Variants in PCMT1 observed in about 807,000 individuals in gnomAD.
PCMT1 encodes the protein protein-L-isoaspartate(D-aspartate) O-methyltransferase.
PCMT1 carries 9 observed loss-of-function variants against 29.2 expected under a neutral mutation model. That is an observed-to-expected ratio of 0.31 (90% CI 0.19 to 0.54). PCMT1 has a LOEUF of 0.54. Ranked by LOEUF, PCMT1 falls within the 20% of genes least tolerant of loss-of-function variation. The pLI is 0.95. For missense variants in PCMT1, 184 were observed against 282.2 expected, an observed-to-expected ratio of 0.65 and a Z score of 2.49; for synonymous variants, 98 against 97.5, an observed-to-expected ratio of 1.00 and a Z score of -0.03.
chr6:149,787,837 G>C (rs746906823), intron 3 of PCMT1, among the ~76,000 whole-genome samples: 5 of 151,826 alleles, frequency 3.3e-5, no homozygotes, highest in Non-Finnish European at 5.9e-5. Context: ...GTGTGTGTGT[G>C]TGTGTGTATG....
intron 1 of PCMT1, among the ~76,000 whole-genome samples, chr6:149,763,294 A>C (rs1218395749): frequency 2.1e-5 from 3 of 146,074 alleles, no homozygotes; most frequent in Non-Finnish European, 4.5e-5. Context: ...TATCTATGAT[A>C]TATATATCTA....
chr6:149,787,553 G>A (rs1788173167), intron 3 of PCMT1, among the ~76,000 whole-genome samples: 1 of 151,960 alleles, frequency 6.6e-6, no homozygotes, highest in African/African-American at 2.4e-5. Flanking sequence ...AGCAGAGACA[G>A]GGTTTCATCA....
At chr6:149,798,442 T>A (rs1367565797) in intron 6 of PCMT1, among the ~76,000 whole-genome samples, 11 of 152,220 alleles carry the variant, frequency 7.2e-5, no homozygotes, top group Admixed American at 7.2e-4. Flanking sequence ...TTTCTAGATT[T>A]AATTAAATTG....
rs772910475 is a variant in PCMT1, at chr6:149,790,016, A to G, written c.255A>G (p.Val85=). The G allele has an allele frequency of 2.2e-5, 36 of 1,612,310 alleles. No individual in the cohort carries two copies. Among genetic ancestry groups the G allele is most frequent in the Non-Finnish European group, 1.0e-5 (12 of 1,179,190 alleles). The change falls in exon 4 of 8, where the codon GTA becomes GTG. Residue 85 remains valine (V), a synonymous_variant. Coordinates refer to ENST00000464889, the MANE Select transcript of PCMT1 (RefSeq NM_001360452.2). ...QLHEGAKALD[V]GSGSGILTAC... ...ATGAAGGAGCTAAAGCTCTTGATGT[A>G]GGATCTGGAAGTGGAATCCTTACTG...
At chr6:149,783,979 G>A (rs1787920865) in intron 3 of PCMT1, among the ~76,000 whole-genome samples, 1 of 152,220 alleles carries the variant, frequency 6.6e-6, no homozygotes, top group South Asian at 2.1e-4. Flanking sequence ...ATAGGTATAA[G>A]TCACCATGCC....
At chr6:149,798,488 A>AG (rs2115331416) in intron 6 of PCMT1, among the ~76,000 whole-genome samples, 1 of 152,312 alleles carries the variant, frequency 6.6e-6, no homozygotes, top group East Asian at 1.9e-4. Context: ...CAAGTATTAT[A>AG]GGGGTATGTA....
At chr6:149,800,595 T>A (rs1751362015) in intron 6 of PCMT1, among the ~76,000 whole-genome samples, 1 of 152,156 alleles carries the variant, frequency 6.6e-6, no homozygotes, top group African/African-American at 2.4e-5. Context: ...ATTTAAAAGT[T>A]TTCTGACTGT....
chr6:149,769,797 G>A (rs1469998927), intron 1 of PCMT1, among the ~76,000 whole-genome samples: 2 of 29,462 alleles, frequency 6.8e-5, no homozygotes, highest in African/African-American at 1.2e-4. Context: ...TTTTTTTTTT[G>A]TGGAGACAGG....
At chr6:149,767,167 A>G (rs1245429809) in intron 1 of PCMT1, among the ~76,000 whole-genome samples, 1 of 152,100 alleles carries the variant, frequency 6.6e-6, no homozygotes, top group African/African-American at 2.4e-5. Flanking sequence ...AGATCACGCC[A>G]CTGCACTCCA....
At chr6:149,756,512 C>CCT (rs1786510899) in intron 1 of PCMT1, among the ~76,000 whole-genome samples, 1 of 74,720 alleles carries the variant, frequency 1.3e-5, no homozygotes. Context: ...CCATGACTGG[C>CCT]TTTTTTTTTT....
At chr6:149,782,556 C>T (rs1320390335) in intron 3 of PCMT1, among the ~76,000 whole-genome samples, 3 of 152,102 alleles carry the variant, frequency 2.0e-5, no homozygotes, top group African/African-American at 7.2e-5. Context: ...TCAAGTGCTC[C>T]TTGGAGTAGT....
intron 3 of PCMT1, among the ~76,000 whole-genome samples, chr6:149,789,066 A>ATTTTTT (rs56661461): frequency 6.6e-4 from 60 of 90,488 alleles, no homozygotes; most frequent in Admixed American, 8.9e-4. Flanking sequence ...ATTGGATCTG[A>ATTTTTT]TTTTTTTTTT....
intron 1 of PCMT1, among the ~76,000 whole-genome samples, chr6:149,754,897 C>G (rs1786453152): frequency 6.6e-6 from 1 of 152,138 alleles, no homozygotes; most frequent in Non-Finnish European, 1.5e-5. Flanking sequence ...ACCCAAAGTG[C>G]AAGAATAATG....
At chr6:149,790,477 A>G (rs1415770809) in intron 4 of PCMT1, among the ~76,000 whole-genome samples, 1 of 149,054 alleles carries the variant, frequency 6.7e-6, no homozygotes, top group Non-Finnish European at 1.5e-5. Flanking sequence ...CCAAGTTCTG[A>G]TTTGGCAGAA....
chr6:149,807,531 C>T (rs773238321), intron 7 of PCMT1, among the ~76,000 whole-genome samples: 1 of 151,930 alleles, frequency 6.6e-6, no homozygotes, highest in East Asian at 1.9e-4. Context: ...CCACGAGGCC[C>T]GGCTAATTTT....
At position 149,781,556 on chromosome 6, in the gene PCMT1, A is replaced by G. The variant is rs9505976; in HGVS notation, c.192+8387A>G. Among the ~76,000 whole-genome samples the G allele has an allele frequency of 2.9e-3, 442 of 152,058 alleles. 4 individuals are homozygous for G. Among genetic ancestry groups the G allele is most frequent in the African/African-American group, 9.8e-3 (408 of 41,496 alleles). On this transcript the variant is annotated intron_variant, in intron 3 of 7. Transcript: ENST00000464889. ...TTTTTTTTAAAGACAGGGTCTTGCT[A>G]TGTCGCCCAGGCTGGTCTCAAACTC...
At chr6:149,803,964 C>T (rs1018682329) in intron 7 of PCMT1, among the ~76,000 whole-genome samples, 1 of 150,900 alleles carries the variant, frequency 6.6e-6, no homozygotes, top group African/African-American at 2.4e-5. Flanking sequence ...ATCTGTAGTC[C>T]CAGGCACTCA....
intron 4 of PCMT1, among the ~76,000 whole-genome samples, chr6:149,792,508 T>G (rs1788412372): frequency 6.6e-6 from 1 of 152,114 alleles, no homozygotes; most frequent in Admixed American, 6.6e-5. Flanking sequence ...ATTTTTGTTG[T>G]TGTTGCTTTT....
chr6:149,791,577 G>A (rs1461335119), intron 4 of PCMT1, among the ~76,000 whole-genome samples: 1 of 152,150 alleles, frequency 6.6e-6, no homozygotes, highest in East Asian at 1.9e-4. Flanking sequence ...TGTATAATCA[G>A]CAGACTTACT....
Sources: gnomAD v4.1 joint callset for allele counts (sites outside exome capture counted in the v4.1 genomes callset) on GRCh38, gnomAD v4.1.1 for gene constraint, MANE v1.5 for transcripts, NCBI Gene and HGNC (gene_info 2026-07-23, HGNC 2026-07-21) for gene names.